MUC4: variants seen among roughly 807,000 people sequenced by gnomAD.
MUC4 encodes mucin 4, cell surface associated.
MUC4 carries 202 observed loss-of-function variants against 257.9 expected under a neutral mutation model. The ratio of observed to expected loss-of-function variants is 0.78; its 90% CI spans 0.70 to 0.88. The LOEUF (loss-of-function observed/expected upper bound fraction) is 0.88, where lower values mean the gene tolerates loss of function less well. MUC4 is among the 40% of genes least tolerant of loss of function. The pLI is 0.00. For synonymous variants in MUC4, 2,351 were observed against 2,757.1 expected, an observed-to-expected ratio of 0.85 and a Z score of 4.62; for missense variants, 5,976 against 6,513.7, an observed-to-expected ratio of 0.92 and a Z score of 2.84.
At position 195,767,820 on chromosome 3, in the gene MUC4, C is replaced by CCAT. The variant is rs1320559908; in HGVS notation, c.13530-1070_13530-1069insATG. ...ACCACCATCATCACCACCATCACCA[C>CCAT]CACCACCACCATCACCACCACCACC... On this transcript the variant is annotated intron_variant, in intron 7 of 24. Coordinates refer to ENST00000463781, the MANE Select transcript of MUC4 (RefSeq NM_018406.7). Among the ~76,000 whole-genome samples, 57 of 41,538 alleles carry CCAT rather than the reference C, an allele frequency of 1.4e-3. 5 individuals carry two copies. Among genetic ancestry groups the CCAT allele is most frequent in the East Asian group, 4.8e-3 (3 of 630 alleles). 27.3% of individuals were successfully genotyped at this position (41,538 alleles called of 152,430 possible). A position where few individuals can be genotyped will look rare whatever the true frequency, so the allele number is the denominator to read the frequency against.
rs74839766 is a variant in MUC4, at chr3:195,784,546, G to A, written c.7034C>T (p.Ala2345Val). The change falls in exon 2 of 25, where the codon GCA (alanine) becomes GTA (valine). Residue 2345 changes from alanine (A) to valine (V), a missense_variant. Transcript: ENST00000463781. Reference sequence around the variant, plus strand: ...AAGAGGGGTGGCGTGACCTGTGGATGCTGAGGAAGGGCTAGTGACAGGAAG... The same window carrying A: ...AAGAGGGGTGGCGTGACCTGTGGATACTGAGGAAGGGCTAGTGACAGGAAG... ...TPLPVTSPSS[A>V]STGHATPLHV... The A allele has an allele frequency of 2.0e-4, 264 of 1,350,540 alleles. 39 individuals carry two copies. In the African/African-American group the frequency reaches 4.0e-3, roughly 20 times the overall value. 83.7% of individuals were successfully genotyped at this position (1,350,540 alleles called of 1,614,324 possible).
chr3:195,765,113 C>T lies in MUC4; in HGVS notation c.13808G>A (p.Gly4603Asp). 6.2e-7 allele frequency: 1 copy of T among 1,612,516 alleles called. No individual in the cohort carries two copies. Among genetic ancestry groups the T allele is most frequent in the Non-Finnish European group, 8.5e-7 (1 of 1,179,218 alleles). ...RFQPVSIGRW[G>D]LGSRQLCSFT... Reference sequence around the variant, plus strand: ...GCTGCACAGCTGCCTACTGCCGAGGCCCCAGCGACCTGAAACAAGTCCAGT... The same window carrying T: ...GCTGCACAGCTGCCTACTGCCGAGGTCCCAGCGACCTGAAACAAGTCCAGT... The change falls in exon 10 of 25, where the codon GGC becomes GAC. Residue 4603 changes from glycine to aspartate, a missense_variant. Coordinates refer to ENST00000463781, the MANE Select transcript of MUC4 (RefSeq NM_018406.7).
intron 1 of MUC4, among the ~76,000 whole-genome samples, chr3:195,808,605 G>T (rs544912811): frequency 4.6e-5 from 7 of 152,350 alleles, no homozygotes; most frequent in Non-Finnish European, 8.8e-5. Context: ...TGCCGATGAA[G>T]AGCCTAAGAC....
chr3:195,778,720 G>C, intron 2 of MUC4, 70 bp downstream of exon 2: 1 of 1,471,534 alleles, frequency 6.8e-7, no homozygotes, highest in East Asian at 2.4e-5. Context: ...AGTGTTCTCA[G>C]GTACTCCTTA....
rs1220054113 is a variant in MUC4, at chr3:195,748,952, G to A, written c.15984C>T (p.Tyr5328=). The part of the protein sequence containing the change: ...FTCVSPCSRG[Y]CDHGGQCQHL... ...GCTGGCACTGGCCTCCATGGTCACA[G>A]TAGCCCCTACTGCACGGGGACACGC... The change falls in exon 24 of 25, where the codon TAC becomes TAT. Residue 5328 remains tyrosine (Y), a synonymous_variant. Coordinates refer to ENST00000463781, the MANE Select transcript of MUC4 (RefSeq NM_018406.7). The A allele has an allele frequency of 1.2e-6, 2 of 1,606,370 alleles. No individual in the cohort carries two copies. Among genetic ancestry groups the A allele is most frequent in the East Asian group, 2.2e-5 (1 of 44,530 alleles).
At chr3:195,778,245 G>T (rs746924626) in intron 3 of MUC4, 58 bp downstream of exon 3, 65 of 1,521,584 alleles carry the variant, frequency 4.3e-5, no homozygotes, top group South Asian at 3.0e-4. Context: ...TAGGCTGAGA[G>T]GGAGCCTTCA....
At position 195,781,272 on chromosome 3, in the gene MUC4, A is replaced by G. The variant is rs1393653547; in HGVS notation, c.10308T>C (p.Gly3436=). 3 of 1,505,890 alleles carry G rather than the reference A, an allele frequency of 2.0e-6. No individual in the cohort carries two copies. The highest frequency in any genetic ancestry group is 2.5e-5 in the East Asian group (1 of 39,338). 93.3% of individuals were successfully genotyped at this position (1,505,890 alleles called of 1,614,324 possible). The part of the protein sequence containing the change: ...PVTSTSSAST[G]HATPVPVTST... Reference sequence around the variant, plus strand: ...TGGTGACAGGAACAGGGGTGGCGTGACCGGTGGATGCTGAGGAAGTGCTGG... The same window carrying G: ...TGGTGACAGGAACAGGGGTGGCGTGGCCGGTGGATGCTGAGGAAGTGCTGG... Residue 3436 remains glycine (G), a synonymous_variant, in exon 2 of 25, where the codon GGT becomes GGC. Coordinates refer to ENST00000463781, the MANE Select transcript of MUC4 (RefSeq NM_018406.7).
chr3:195,770,404 C>T (rs1461596319), intron 5 of MUC4, 33 bp from the exon 6 acceptor site: 23 of 1,612,152 alleles, frequency 1.4e-5, no homozygotes, highest in Middle Eastern at 1.7e-4. Context: ...AACAAGCCAA[C>T]GAGGGTCCCA....
Position 195,746,981 on chromosome 3 carries a change from T to G in MUC4, c.*195A>C. 2.5e-6 allele frequency: 2 copies of G among 806,316 alleles called. No individual in the cohort carries two copies. The highest frequency in any genetic ancestry group is 1.8e-5 in the South Asian group (1 of 54,904). The allele number at this position is 806,316 out of a possible 1,614,324, so 49.9% of individuals were successfully genotyped here. On this transcript the variant is annotated 3_prime_UTR_variant, in exon 25 of 25. Coordinates refer to ENST00000463781, the MANE Select transcript of MUC4 (RefSeq NM_018406.7). ...GGACCCATCCATGCATGTTTGATCT[T>G]TATGGCCTCCCCCTGTGCACCTGCG... is the stretch of plus-strand genomic sequence containing the variant.
At chr3:195,749,428 G>T (rs1166882019) in intron 23 of MUC4, among the ~76,000 whole-genome samples, 1 of 152,186 alleles carries the variant, frequency 6.6e-6, no homozygotes, top group Non-Finnish European at 1.5e-5. Flanking sequence ...CTGAAACTCT[G>T]CTAGTGACTA....
Position 195,790,735 on chromosome 3 carries a change from G to A in MUC4, c.845C>T (p.Ser282Leu). ...CATAAGACTTCCAGTAACAGGTACTGATGATGTCTCCCCTGGGTTTCCAAG... is the reference window on the plus strand; with the variant it reads ...CATAAGACTTCCAGTAACAGGTACTAATGATGTCTCCCCTGGGTTTCCAAG... ...STLGNPGETS[S>L]VPVTGSLMPV... The change falls in exon 2 of 25, where the codon TCA (serine) becomes TTA (leucine). Residue 282 changes from serine (S) to leucine (L), a missense_variant. Transcript: ENST00000463781. The A allele has an allele frequency of 3.7e-6, 6 of 1,614,012 alleles. No homozygotes were observed. The highest frequency in any genetic ancestry group is 4.2e-6 in the Non-Finnish European group (5 of 1,179,884).
At chr3:195,767,621 TCAC>T (rs759760627) in intron 7 of MUC4, among the ~76,000 whole-genome samples, 4,902 of 26,866 alleles carry the variant, frequency 0.18, 330 homozygotes, top group Middle Eastern at 0.29. Context: ...GCCACCACCA[TCAC>T]CACCATCACC....
rs71617308 is a variant in MUC4, at chr3:195,785,324, C to G, written c.6256G>C (p.Ala2086Pro). ...GCGTGACCTGTGGATATTGAGGAAGCGTCGGTGACAAGAAGAGGGGTGGCG... is the reference window on the plus strand; with the variant it reads ...GCGTGACCTGTGGATATTGAGGAAGGGTCGGTGACAAGAAGAGGGGTGGCG... ...GHATPLLVTD[A>P]SSISTGHATS... Residue 2086 changes from alanine to proline, a missense_variant, in exon 2 of 25, where the codon GCT becomes CCT. Physicochemically the swap from Ala to Pro is conservative, Grantham distance 27. Around this residue, in one of 44 missense-constraint regions of MUC4, gnomAD observed 85 missense variants for 325.0 expected, o/e 0.26. Coordinates refer to ENST00000463781, the MANE Select transcript of MUC4 (RefSeq NM_018406.7). 105 of 1,455,824 alleles carry G rather than the reference C, an allele frequency of 7.2e-5. 5 individuals are homozygous for G. In the African/African-American group the frequency reaches 1.5e-3, roughly 21 times the overall value. The allele number at this position is 1,455,824 out of a possible 1,614,324, so 90.2% of individuals were successfully genotyped here.
chr3:195,800,227 G>A (rs949867538), intron 1 of MUC4, among the ~76,000 whole-genome samples: 2 of 151,952 alleles, frequency 1.3e-5, no homozygotes, highest in Admixed American at 6.5e-5. Flanking sequence ...GCAGTGAGCC[G>A]AGATCGCGCC....
In MUC4 at chr3:195,765,466, G is replaced by A. The variant is rs1446206224; in HGVS notation, c.13619-17C>T. ...CTTGGAGGCCTGAGGTCGGGGATGG[G>A]GGGGAAAGGGCTTATCCAGGGCTGG... On this transcript the variant is annotated splice_polypyrimidine_tract_variant and intron_variant, in intron 8 of 24. Transcript: ENST00000463781. The A allele has an allele frequency of 3.7e-6, 6 of 1,606,406 alleles. No individual in the cohort carries two copies. The highest frequency in any genetic ancestry group is 2.2e-5 in the East Asian group (1 of 44,754).
chr3:195,778,837 G>C lies in MUC4; in HGVS notation c.12743C>G (p.Ser4248Ter), dbSNP rs766190178. Residue 4248 changes from serine to a stop codon, truncating the protein, a stop_gained, in exon 2 of 25, where the codon TCA (serine) becomes TGA (stop). Transcript: ENST00000463781. LOFTEE classifies it high-confidence loss of function. ...GGAGTCCGAGGATACTGTGGAAGCTGAGGTAGCACTGCTGACAGCAAGAGG... is the reference window on the plus strand; with the variant it reads ...GGAGTCCGAGGATACTGTGGAAGCTCAGGTAGCACTGCTGACAGCAAGAGG... ...ATPLAVSSAT[S>*]ASTVSSDSPL... 1 of 1,612,242 alleles carries C rather than the reference G, an allele frequency of 6.2e-7. No individual in the cohort carries two copies.
chr3:195,773,325 AGGTGTAGGCACCCCCCTCCATCGCTCAGG>A (rs1484623124), intron 4 of MUC4, among the ~76,000 whole-genome samples: 280 of 111,970 alleles, frequency 2.5e-3, no homozygotes, highest in Middle Eastern at 0.018. Flanking sequence ...ATCGCTCAGC[AGGTGTAGGCACCCCCCTCCATCGCTCAGG>A]GGTGTAGACA....
chr3:195,789,613 G>A lies in MUC4; in HGVS notation c.1967C>T (p.Ser656Phe), dbSNP rs3749330. 2.5e-6 allele frequency: 4 copies of A among 1,613,908 alleles called. No homozygotes were observed. In the African/African-American group the frequency reaches 4.0e-5, roughly 16 times the overall value. The change falls in exon 2 of 25, where the codon TCC becomes TTC. Residue 656 changes from serine (S) to phenylalanine (F), a missense_variant. Physicochemically the swap from Ser to Phe is radical, Grantham distance 155 (BLOSUM62 -2). Transcript: ENST00000463781. ...GACTGTCTTGGTGTCAGTCATGGGG[G>A]AGACGGACCTCGTGGTTTGTGATTC... The part of the protein sequence containing the change: ...TQESQTTRSV[S>F]PMTDTKTVTT...
Position 195,765,080 on chromosome 3 carries a change from G to C in MUC4, c.13841C>G (p.Ser4614Cys). The change falls in exon 10 of 25, where the codon TCT becomes TGT. Residue 4614 changes from serine (S) to cysteine (C), a missense_variant. Ser to Cys is a moderately radical substitution (Grantham distance 112, BLOSUM62 -1). Coordinates refer to ENST00000463781, the MANE Select transcript of MUC4 (RefSeq NM_018406.7). The stretch of plus-strand genomic sequence containing the variant: ...GCTGCAGCACACGCCTCCTCGCCAA[G>C]AGGTGAAGCTGCACAGCTGCCTACT... ...LGSRQLCSFT[S>C]WRGGVCCSYG... 1 of 1,613,812 alleles carries C rather than the reference G, an allele frequency of 6.2e-7. No homozygotes were observed. Among genetic ancestry groups the C allele is most frequent in the Non-Finnish European group, 8.5e-7 (1 of 1,179,882 alleles).
Sources: gnomAD v4.1 joint callset for allele counts (sites outside exome capture counted in the v4.1 genomes callset) on GRCh38, gnomAD v4.1.1 for gene constraint, gnomAD v4.1.1 regional missense constraint, MANE v1.5 for transcripts, NCBI Gene and HGNC (gene_info 2026-07-23, HGNC 2026-07-21) for gene names.